ASTN1: variants seen among roughly 807,000 people sequenced by gnomAD.
ASTN1 encodes the protein astrotactin 1, also known as astrotactin-1.
A neutral mutation model predicts 140.7 loss-of-function variants in ASTN1; 41 were observed. The observed-to-expected ratio is 0.29, with a 90% CI of 0.23 to 0.38. The LOEUF (loss-of-function observed/expected upper bound fraction) is 0.38. Among genes scored for constraint, ASTN1 ranks in the 10% least tolerant of loss-of-function variants. The pLI, the probability that ASTN1 is intolerant of heterozygous loss-of-function variation, is 1.00. For synonymous variants in ASTN1, 640 were observed against 652.2 expected (o/e 0.98, Z 0.29); for missense variants, 1,479 against 1,678.8 (o/e 0.88, Z 2.08).
In ASTN1 at chr1:176,952,461, G is replaced by T. The variant is rs540348587; in HGVS notation, c.1888-3110C>A. ...TGCACTGGAACTTGCTTAGGCTGCA[G>T]TTCAGAGTAAAACATTTTAGAAAGA... On this transcript the variant is annotated intron_variant, in intron 11 of 22. Transcript: ENST00000361833. Among the ~76,000 whole-genome samples, 4 of 151,914 alleles carry T rather than the reference G, an allele frequency of 2.6e-5. No homozygotes were observed. The South Asian group carries it at 6.2e-4, about 24-fold the overall frequency.
chr1:176,964,304 C>T (rs903439151), intron 9 of ASTN1, among the ~76,000 whole-genome samples: 2 of 152,088 alleles, frequency 1.3e-5, no homozygotes, highest in Non-Finnish European at 1.5e-5. Flanking sequence ...ATTCATCAGC[C>T]GCTTATGCAG....
chr1:177,022,525 A>G (rs1055509710), intron 7 of ASTN1, among the ~76,000 whole-genome samples: 19 of 152,200 alleles, frequency 1.2e-4, no homozygotes, highest in Admixed American at 6.5e-4. Flanking sequence ...TTGGAACCCA[A>G]GGAGCAATGG....
intron 7 of ASTN1, among the ~76,000 whole-genome samples, chr1:177,019,549 T>C (rs1179624537): frequency 1.3e-5 from 2 of 152,210 alleles, no homozygotes; most frequent in Non-Finnish European, 2.9e-5. Context: ...CAGGCATACC[T>C]TGGGGTACCA....
chr1:177,014,226 T>C (rs1675432683), intron 8 of ASTN1, among the ~76,000 whole-genome samples: 1 of 152,206 alleles, frequency 6.6e-6, no homozygotes, highest in African/African-American at 2.4e-5. Flanking sequence ...AAGGAATACA[T>C]GAGATAACTA....
chr1:177,018,384 G>A (rs1675661959), intron 7 of ASTN1, among the ~76,000 whole-genome samples: 2 of 152,102 alleles, frequency 1.3e-5, no homozygotes, highest in Non-Finnish European at 2.9e-5. Context: ...ACAAAAACAG[G>A]GAAGGTTAGA....
intron 5 of ASTN1, among the ~76,000 whole-genome samples, chr1:177,026,948 G>T (rs1676147642): frequency 6.6e-6 from 1 of 152,100 alleles, no homozygotes; most frequent in Non-Finnish European, 1.5e-5. Context: ...CTTTTGTCAG[G>T]TCCAAGGCCC....
At chr1:177,027,423 A>G (rs1198659778) in intron 5 of ASTN1, among the ~76,000 whole-genome samples, 2 of 151,638 alleles carry the variant, frequency 1.3e-5, no homozygotes, top group Admixed American at 1.3e-4. Context: ...ATAATCCAGC[A>G]TCTCTACCTG....
At chr1:177,126,997 A>G (rs1459673447) in intron 1 of ASTN1, among the ~76,000 whole-genome samples, 1 of 152,180 alleles carries the variant, frequency 6.6e-6, no homozygotes, top group African/African-American at 2.4e-5. Context: ...AACATTTTGA[A>G]GCTAACATAT....
At chr1:176,930,329 T>C (rs916745497) in intron 16 of ASTN1, among the ~76,000 whole-genome samples, 2 of 152,052 alleles carry the variant, frequency 1.3e-5, no homozygotes, top group African/African-American at 4.8e-5. Context: ...GCCTGGAGAA[T>C]TTCCTGGTAG....
chr1:177,163,203 G>C (rs756110728), intron 1 of ASTN1, among the ~76,000 whole-genome samples: 5 of 152,192 alleles, frequency 3.3e-5, no homozygotes, highest in Non-Finnish European at 7.3e-5. Flanking sequence ...AGGGTATCAA[G>C]TAAATGGAAC....
chr1:177,158,851 A>G (rs1683360136), intron 1 of ASTN1, among the ~76,000 whole-genome samples: 2 of 151,162 alleles, frequency 1.3e-5, no homozygotes, highest in South Asian at 2.1e-4. Context: ...TGAGGTCAGA[A>G]GTTCGAGTCC....
chr1:177,001,237 A>C (rs1674715457), intron 8 of ASTN1, among the ~76,000 whole-genome samples: 1 of 152,186 alleles, frequency 6.6e-6, no homozygotes, highest in African/African-American at 2.4e-5. Flanking sequence ...ATTTTACATA[A>C]GAGACATTGT....
At chr1:176,897,120 C>T (rs932893358) in intron 16 of ASTN1, among the ~76,000 whole-genome samples, 1 of 151,774 alleles carries the variant, frequency 6.6e-6, no homozygotes, top group South Asian at 2.1e-4. Context: ...ACTAAAAGTA[C>T]AAAAATTAGC....
Position 176,988,317 on chromosome 1 carries a change from G to GAAAAAA in ASTN1, c.1524-23086_1524-23081dup, listed in dbSNP as rs386368806. Among the ~76,000 whole-genome samples the GAAAAAA allele has an allele frequency of 6.3e-4, 88 of 139,992 alleles. 1 individual carries two copies. Among genetic ancestry groups the GAAAAAA allele is most frequent in the East Asian group, 1.4e-3 (6 of 4,270 alleles). The allele number at this position is 139,992 out of a possible 152,430, so 91.8% of individuals were successfully genotyped here. ...GTAGAAATTGCAGAGGATATATTGG[G>GAAAAAA]AAAAAAAAAAAAAAAACCTTTCCTT... On this transcript the variant is annotated intron_variant, in intron 8 of 22. Coordinates refer to ENST00000361833, the MANE Select transcript of ASTN1 (RefSeq NM_004319.3).
At position 177,004,963 on chromosome 1, in the gene ASTN1, A is replaced by G. The variant is rs192422595; in HGVS notation, c.1523+9828T>C. Among the ~76,000 whole-genome samples, 11 of 152,344 alleles carry G rather than the reference A, an allele frequency of 7.2e-5. No individual in the cohort carries two copies. In the East Asian group the frequency reaches 1.9e-3, roughly 27 times the overall value. The stretch of plus-strand genomic sequence containing the variant: ...CCCAAAAGTAAATGCAAAAAAACCA[A>G]AAACAAATCAATGGTACTTAACTAA... On this transcript the variant is annotated intron_variant, in intron 8 of 22. Transcript: ENST00000361833.
At chr1:177,024,527 C>T (rs1571667024) in intron 6 of ASTN1, 56 bp downstream of exon 6, 3 of 1,594,374 alleles carry the variant, frequency 1.9e-6, no homozygotes, top group Admixed American at 3.4e-5. Context: ...CTTTGCCCAA[C>T]CAGAAAACTT....
At chr1:176,865,139 C>T (rs1235118762) in intron 22 of ASTN1, among the ~76,000 whole-genome samples, 1 of 152,214 alleles carries the variant, frequency 6.6e-6, no homozygotes, top group Non-Finnish European at 1.5e-5. Context: ...TGCTCCATTT[C>T]TCCACCTCCC....
In ASTN1 at chr1:176,996,261, C is replaced by CCT. The variant is rs146791378; in HGVS notation, c.1523+18528_1523+18529dup. On this transcript the variant is annotated intron_variant, in intron 8 of 22. Coordinates refer to ENST00000361833, the MANE Select transcript of ASTN1 (RefSeq NM_004319.3). Reference sequence around the variant, plus strand: ...GCAAGTAAGAGACAGAGTCATATATCCTCTCTCTCTCTCTCTCTCTCTCTC... The same window carrying CCT: ...GCAAGTAAGAGACAGAGTCATATATCCTCTCTCTCTCTCTCTCTCTCTCTCTC... Among the ~76,000 whole-genome samples the CCT allele has an allele frequency of 7.7e-3, 1,083 of 140,908 alleles. 7 individuals carry two copies. The highest frequency in any genetic ancestry group is 0.024 in the South Asian group (105 of 4,292). 92.4% of individuals were successfully genotyped at this position (140,908 alleles called of 152,430 possible). A position where few individuals can be genotyped will look rare whatever the true frequency, so the allele number is the denominator to read the frequency against.
intron 21 of ASTN1, among the ~76,000 whole-genome samples, chr1:176,871,101 T>C (rs1454390505): frequency 6.6e-6 from 1 of 152,152 alleles, no homozygotes; most frequent in Non-Finnish European, 1.5e-5. Context: ...GGCAGAGTCA[T>C]GGGATGGAAA....
Sources: gnomAD v4.1 joint callset for allele counts (sites outside exome capture counted in the v4.1 genomes callset) on GRCh38, gnomAD v4.1.1 for gene constraint, MANE v1.5 for transcripts, NCBI Gene and HGNC (gene_info 2026-07-23, HGNC 2026-07-21) for gene names.